Variants in USP32 observed in about 807,000 individuals in gnomAD.
The protein encoded by USP32 is ubiquitin carboxyl-terminal hydrolase 32.
USP32 carries 59 observed loss-of-function variants against 204.8 expected under a neutral mutation model. The observed-to-expected ratio is 0.29, with a 90% CI of 0.23 to 0.36. USP32 has a LOEUF of 0.36. Among genes scored for constraint, USP32 ranks in the 10% least tolerant of loss-of-function variants. The probability of loss-of-function intolerance (pLI) is 1.00; values close to 1 mark genes in which losing one functional copy is unlikely to be tolerated. For synonymous variants in USP32, 517 were observed against 678.4 expected, an observed-to-expected ratio of 0.76 and a Z score of 3.70; for missense variants, 1,160 against 1,946.4, an observed-to-expected ratio of 0.60 and a Z score of 7.60.
intron 1 of USP32, among the ~76,000 whole-genome samples, chr17:60,369,609 CAT>C (rs749128520): frequency 6.6e-5 from 10 of 152,048 alleles, no homozygotes; most frequent in Non-Finnish European, 1.2e-4. Flanking sequence ...GCAGATCTGA[CAT>C]ATACAAAATT....
chr17:60,283,920 G>A (rs570769559), intron 5 of USP32, among the ~76,000 whole-genome samples: 3 of 152,220 alleles, frequency 2.0e-5, no homozygotes, highest in South Asian at 2.1e-4. Context: ...AAACTAGAGC[G>A]AAGGGCTGAT....
intron 5 of USP32, among the ~76,000 whole-genome samples, chr17:60,280,523 T>C (rs2086944108): frequency 6.6e-6 from 1 of 152,246 alleles, no homozygotes; most frequent in African/African-American, 2.4e-5. Flanking sequence ...TACTGTGACT[T>C]CAAATTTTAC....
chr17:60,421,843 TG>T (rs2090120420), intron 1 of USP32: 1 of 985,376 alleles, frequency 1.0e-6, no homozygotes, highest in Admixed American at 6.1e-5. Flanking sequence ...CCCCGCCTGG[TG>T]GCTGCGCACA....
chr17:60,253,329 A>G (rs2086215316), intron 10 of USP32, among the ~76,000 whole-genome samples: 1 of 152,078 alleles, frequency 6.6e-6, no homozygotes, highest in Non-Finnish European at 1.5e-5. Context: ...TGAGCAATAC[A>G]TTGAATGTGT....
chr17:60,357,350 A>C (rs1447037826), intron 1 of USP32, among the ~76,000 whole-genome samples: 1 of 151,982 alleles, frequency 6.6e-6, no homozygotes, highest in Non-Finnish European at 1.5e-5. Flanking sequence ...CTACACGGGA[A>C]GCCAAGGCAG....
At chr17:60,293,364 C>G (rs944292878) in intron 4 of USP32, among the ~76,000 whole-genome samples, 2 of 152,090 alleles carry the variant, frequency 1.3e-5, no homozygotes, top group Admixed American at 6.5e-5. Context: ...TGTCAAAAAT[C>G]CAATCAGTCA....
chr17:60,241,171 G>A (rs1194834773), intron 11 of USP32, among the ~76,000 whole-genome samples: 2 of 152,086 alleles, frequency 1.3e-5, no homozygotes, highest in Non-Finnish European at 2.9e-5. Context: ...CTAATTTTTT[G>A]TATTTTTAGT....
intron 1 of USP32, among the ~76,000 whole-genome samples, chr17:60,358,583 T>TAATAAA (rs757787405): frequency 1.6e-4 from 25 of 151,728 alleles, no homozygotes; most frequent in Middle Eastern, 3.2e-3. Context: ...CAAAAAAACA[T>TAATAAA]AATAAAAATA....
At chr17:60,200,172 C>A (rs187974570) in intron 26 of USP32, among the ~76,000 whole-genome samples, 3 of 150,946 alleles carry the variant, frequency 2.0e-5, no homozygotes, top group Non-Finnish European at 4.4e-5. Flanking sequence ...CCAGCCTGGC[C>A]GACAACAGCA....
At chr17:60,199,661 C>T (rs1170559364) in intron 26 of USP32, among the ~76,000 whole-genome samples, 2 of 152,050 alleles carry the variant, frequency 1.3e-5, no homozygotes, top group Admixed American at 1.3e-4. Flanking sequence ...TTTTATTTTG[C>T]CATTTTCATT....
chr17:60,294,383 A>AGTGTGTGTGTGT (rs60195146), intron 4 of USP32, among the ~76,000 whole-genome samples: 4,218 of 146,446 alleles, frequency 0.029, 234 homozygotes, highest in African/African-American at 0.1. Flanking sequence ...TTCCTGCAGG[A>AGTGTGTGTGTGT]GTGTGTGTGT....
At chr17:60,399,599 G>C (rs1159537013) in intron 1 of USP32, among the ~76,000 whole-genome samples, 1 of 152,046 alleles carries the variant, frequency 6.6e-6, no homozygotes, top group African/African-American at 2.4e-5. Context: ...GGAAGTGGAG[G>C]CTCCAGTAGG....
chr17:60,200,368 C>T (rs533169772), intron 26 of USP32, among the ~76,000 whole-genome samples: 33 of 152,130 alleles, frequency 2.2e-4, no homozygotes, highest in African/African-American at 7.7e-4. Context: ...TCGAGACAGC[C>T]TGACCAACAT....
chr17:60,288,863 C>T (rs1003304407), intron 4 of USP32, among the ~76,000 whole-genome samples, 181 bp from the exon 5 acceptor site: 3 of 152,202 alleles, frequency 2.0e-5, no homozygotes, highest in African/African-American at 7.2e-5. Flanking sequence ...TTCAAAAATA[C>T]TTGTGCTTCA....
chr17:60,265,552 T>G, intron 8 of USP32, 78 bp from the exon 9 acceptor site: 1 of 965,496 alleles, frequency 1.0e-6, no homozygotes, highest in Non-Finnish European at 1.6e-6. Flanking sequence ...CTAAAGTATA[T>G]TAAGCAAGAT....
Position 60,196,172 on chromosome 17 carries a change from C to T in USP32, c.3434+2088G>A, listed in dbSNP as rs1344254735. Among the ~76,000 whole-genome samples, 3 of 150,440 alleles carry T rather than the reference C, an allele frequency of 2.0e-5. No individual in the cohort carries two copies. The East Asian group carries it at 5.8e-4, about 29-fold the overall frequency. ...CTCCCAGCTACTTGGGAGGCTGAGG[C>T]AGAAGAATTGCTTGAACCTGGGAGG... On this transcript the variant is annotated intron_variant, in intron 27 of 33. Transcript: ENST00000300896.
chr17:60,320,587 G>T (rs146485471), intron 2 of USP32, among the ~76,000 whole-genome samples: 2 of 152,150 alleles, frequency 1.3e-5, no homozygotes, highest in Non-Finnish European at 2.9e-5. Flanking sequence ...ACAGACATGT[G>T]GGGGAGCATG....
chr17:60,204,429 A>C (rs1440163483), intron 26 of USP32, among the ~76,000 whole-genome samples: 15 of 151,894 alleles, frequency 9.9e-5, no homozygotes, highest in East Asian at 3.9e-4. Context: ...ATCCTGTCCT[A>C]AAGGGATCCT....
At chr17:60,347,639 C>G (rs532307327) in intron 1 of USP32, among the ~76,000 whole-genome samples, 1 of 151,406 alleles carries the variant, frequency 6.6e-6, no homozygotes, top group Non-Finnish European at 1.5e-5. Context: ...AGGCGTGAGC[C>G]ACCGCGCCCG....
Sources: allele counts gnomAD v4.1 joint callset (sites outside exome capture counted in the v4.1 genomes callset), GRCh38; gene constraint gnomAD v4.1.1; transcripts MANE v1.5; gene names NCBI Gene and HGNC (gene_info 2026-07-23, HGNC 2026-07-21).